The following TAFA4 variants were observed in gnomAD, a reference collection of about 807,000 sequenced individuals.
The protein encoded by TAFA4 is TAFA chemokine like family member 4.
A neutral mutation model predicts 21.1 loss-of-function variants in TAFA4; 20 were observed. The ratio of observed to expected loss-of-function variants is 0.95; its 90% CI spans 0.67 to 1.38. The LOEUF (loss-of-function observed/expected upper bound fraction) is 1.38. Among genes scored for constraint, TAFA4 ranks in the 40% most tolerant of loss-of-function variants. The probability of loss-of-function intolerance (pLI) is 0.00; values close to 1 mark genes in which losing one functional copy is unlikely to be tolerated. For missense variants in TAFA4, 211 were observed against 180.9 expected (o/e 1.17, Z -0.95); for synonymous variants, 71 against 67.4 (o/e 1.05, Z -0.26).
At chr3:68,875,928 A>AAAAAAG (rs1553650294) in intron 3 of TAFA4, among the ~76,000 whole-genome samples, 28 of 151,844 alleles carry the variant, frequency 1.8e-4, no homozygotes, top group Admixed American at 5.2e-4. Context: ...AAAAAAAAAA[A>AAAAAAG]AGAGAGAGAG....
chr3:68,856,221 T>C (rs1415208879), intron 3 of TAFA4, among the ~76,000 whole-genome samples: 1 of 152,126 alleles, frequency 6.6e-6, no homozygotes, highest in East Asian at 1.9e-4. Flanking sequence ...TGGTTACCCC[T>C]GAGGAGAAAA....
At chr3:68,900,787 T>C (rs1231909388) in intron 1 of TAFA4, among the ~76,000 whole-genome samples, 1 of 152,212 alleles carries the variant, frequency 6.6e-6, no homozygotes, top group Non-Finnish European at 1.5e-5. Flanking sequence ...GGCTATCCCA[T>C]TTCCTTTACC....
chr3:68,760,328 G>A (rs944815591), intron 3 of TAFA4, among the ~76,000 whole-genome samples: 2 of 152,120 alleles, frequency 1.3e-5, no homozygotes, highest in Non-Finnish European at 2.9e-5. Context: ...ATTTGTCCCA[G>A]TGCAGACAGG....
chr3:68,812,369 C>T (rs902413334), intron 3 of TAFA4, among the ~76,000 whole-genome samples: 8 of 152,170 alleles, frequency 5.3e-5, no homozygotes, highest in Admixed American at 3.3e-4. Flanking sequence ...AATTAAAAGA[C>T]ACAGACTGGC....
intron 3 of TAFA4, among the ~76,000 whole-genome samples, chr3:68,763,493 TG>T (rs1702793808): frequency 6.6e-6 from 1 of 152,112 alleles, no homozygotes; most frequent in Non-Finnish European, 1.5e-5. Context: ...TAACTATTAT[TG>T]TTCGATTCTA....
intron 3 of TAFA4, among the ~76,000 whole-genome samples, chr3:68,863,026 G>C (rs1002508174): frequency 3.3e-5 from 5 of 149,324 alleles, no homozygotes; most frequent in African/African-American, 5.0e-5. Context: ...TTGAGAGCAG[G>C]AGTTCAAAAC....
chr3:68,819,874 G>A (rs899446090), intron 3 of TAFA4, among the ~76,000 whole-genome samples: 6 of 152,108 alleles, frequency 3.9e-5, no homozygotes, highest in African/African-American at 1.2e-4. Context: ...AAAACAGTAC[G>A]ACATTCCTTT....
chr3:68,914,219 G>A (rs1356971858), intron 1 of TAFA4, among the ~76,000 whole-genome samples: 2 of 152,172 alleles, frequency 1.3e-5, no homozygotes, highest in Non-Finnish European at 2.9e-5. Context: ...GGTAACAGCA[G>A]ACATAGAGTT....
intron 3 of TAFA4, among the ~76,000 whole-genome samples, chr3:68,826,433 C>T (rs1704238294): frequency 6.6e-6 from 1 of 151,952 alleles, no homozygotes; most frequent in African/African-American, 2.4e-5. Flanking sequence ...ATTGGCTCGG[C>T]ATGGTGGCGG....
Position 68,733,065 on chromosome 3 carries a change from G to A in TAFA4, c.*77C>T, listed in dbSNP as rs1702177765. 1.3e-6 allele frequency: 2 copies of A among 1,586,040 alleles called. No homozygotes were observed. Among genetic ancestry groups the A allele is most frequent in the African/African-American group, 1.4e-5 (1 of 73,640 alleles). On this transcript the variant is annotated 3_prime_UTR_variant, in exon 6 of 6. Coordinates refer to ENST00000295569, the MANE Select transcript of TAFA4 (RefSeq NM_182522.5). ...AAATCCTAGACAATTTTCTGCAAAGGGGCCATGATGGGAATCCAAGCAAAA... is the reference window on the plus strand; with the variant it reads ...AAATCCTAGACAATTTTCTGCAAAGAGGCCATGATGGGAATCCAAGCAAAA...
chr3:68,749,753 A>G (rs919766244), intron 4 of TAFA4, among the ~76,000 whole-genome samples: 5 of 152,156 alleles, frequency 3.3e-5, no homozygotes, highest in Admixed American at 2.6e-4. Context: ...TCTGACCACA[A>G]ATGTTACACT....
intron 1 of TAFA4, among the ~76,000 whole-genome samples, chr3:68,920,619 T>C (rs1257140441): frequency 2.6e-5 from 4 of 151,196 alleles, no homozygotes; most frequent in Admixed American, 6.6e-5. Context: ...GAGTTAGAAG[T>C]GATTTTTACT....
intron 3 of TAFA4, among the ~76,000 whole-genome samples, chr3:68,830,252 C>T (rs543948147): frequency 6.6e-6 from 1 of 152,156 alleles, no homozygotes; most frequent in Admixed American, 6.5e-5. Context: ...TTTGCTCTTG[C>T]TTCTCTAGTT....
chr3:68,803,833 C>T (rs1397818896), intron 3 of TAFA4, among the ~76,000 whole-genome samples: 2 of 103,518 alleles, frequency 1.9e-5, no homozygotes, highest in African/African-American at 7.7e-5. Context: ...GAGACAGAGT[C>T]TTGCTCTGTC....
intron 1 of TAFA4, among the ~76,000 whole-genome samples, chr3:68,927,761 G>C (rs956521355): frequency 6.6e-6 from 1 of 151,922 alleles, no homozygotes; most frequent in Non-Finnish European, 1.5e-5. Context: ...AGCTGGGCGT[G>C]ATGGTGCACA....
At chr3:68,919,287 G>A (rs2107019587) in intron 1 of TAFA4, among the ~76,000 whole-genome samples, 1 of 152,286 alleles carries the variant, frequency 6.6e-6, no homozygotes, top group East Asian at 1.9e-4. Context: ...GCCCCCGTCA[G>A]GACAGAGCAG....
intron 1 of TAFA4, among the ~76,000 whole-genome samples, chr3:68,924,555 G>A (rs1451948415): frequency 6.6e-6 from 1 of 152,182 alleles, no homozygotes; most frequent in Non-Finnish European, 1.5e-5. Flanking sequence ...GATGGAATGG[G>A]CAATGGTAGC....
Position 68,820,169 on chromosome 3 carries a change from GAAGT to G in TAFA4, c.130+60557_130+60560del, listed in dbSNP as rs1176340164. ...GAACCTGGAGGACATTATGTTAAGTGAAGTAAGTCAGGCGCAAAAAGACAAATAT... is the reference window on the plus strand; with the variant it reads ...GAACCTGGAGGACATTATGTTAAGTGAAGTCAGGCGCAAAAAGACAAATAT... On this transcript the variant is annotated intron_variant, in intron 3 of 5. Transcript: ENST00000295569. 2.0e-5 allele frequency among the ~76,000 whole-genome samples: 3 copies of G among 152,200 alleles called. No homozygotes were observed. In the East Asian group the frequency reaches 5.8e-4, roughly 29 times the overall value.
At chr3:68,830,331 A>G (rs1704353659) in intron 3 of TAFA4, among the ~76,000 whole-genome samples, 2 of 152,222 alleles carry the variant, frequency 1.3e-5, no homozygotes, top group South Asian at 2.1e-4. Context: ...ATTTAGTGCT[A>G]TAAATTTCCC....
Sources: gnomAD v4.1 joint callset for allele counts (sites outside exome capture counted in the v4.1 genomes callset) on GRCh38, gnomAD v4.1.1 for gene constraint, MANE v1.5 for transcripts, NCBI Gene and HGNC (gene_info 2026-07-23, HGNC 2026-07-21) for gene names.